Variants in ZSWIM6 observed in about 807,000 individuals in gnomAD.
ZSWIM6 encodes the protein zinc finger SWIM domain-containing protein 6.
Under a neutral mutation model 113.2 loss-of-function variants are expected in ZSWIM6, and 9 were observed. The observed-to-expected ratio is 0.08, with a 90% CI of 0.05 to 0.14. ZSWIM6 has a LOEUF of 0.14. Ranked by LOEUF, ZSWIM6 falls within the 10% of genes least tolerant of loss-of-function variation. The pLI is 1.00. For missense variants in ZSWIM6, 1,162 were observed against 1,552.2 expected, an observed-to-expected ratio of 0.75 and a Z score of 4.22; for synonymous variants, 611 against 606.5, an observed-to-expected ratio of 1.01 and a Z score of -0.11.
At chr5:61,496,338 G>A (rs1453389560) in intron 4 of ZSWIM6, among the ~76,000 whole-genome samples, 2 of 152,126 alleles carry the variant, frequency 1.3e-5, no homozygotes, top group East Asian at 3.9e-4. Context: ...TTTTAATGGG[G>A]TCTAAGTTCT....
intron 2 of ZSWIM6, among the ~76,000 whole-genome samples, chr5:61,490,111 C>A (rs1748139053): frequency 6.6e-6 from 1 of 151,882 alleles, no homozygotes; most frequent in Non-Finnish European, 1.5e-5. Flanking sequence ...CCCTAAATAT[C>A]TGGGTAGTTT....
intron 2 of ZSWIM6, among the ~76,000 whole-genome samples, chr5:61,474,174 T>A (rs1424260384): frequency 6.6e-6 from 1 of 152,232 alleles, no homozygotes; most frequent in Admixed American, 6.5e-5. Context: ...TGTGTTTTGT[T>A]GTTTTTGACA....
At chr5:61,373,858 G>A (rs1248514334) in intron 1 of ZSWIM6, among the ~76,000 whole-genome samples, 1 of 152,040 alleles carries the variant, frequency 6.6e-6, no homozygotes, top group Non-Finnish European at 1.5e-5. Context: ...ATAGGATGTA[G>A]TAGAAATGAA....
chr5:61,521,956 A>T (rs1338078748), intron 5 of ZSWIM6, among the ~76,000 whole-genome samples: 1 of 152,006 alleles, frequency 6.6e-6, no homozygotes, highest in East Asian at 1.9e-4. Context: ...TTACTGGGAA[A>T]TTTTTTTATT....
At chr5:61,499,336 T>A (rs1748400417) in intron 4 of ZSWIM6, among the ~76,000 whole-genome samples, 1 of 151,638 alleles carries the variant, frequency 6.6e-6, no homozygotes, top group Non-Finnish European at 1.5e-5. Context: ...GTTGTTAACC[T>A]TCTTTCCAGA....
chr5:61,542,973 C>T (rs1039630892), intron 13 of ZSWIM6, among the ~76,000 whole-genome samples: 8 of 152,188 alleles, frequency 5.3e-5, no homozygotes, highest in African/African-American at 1.9e-4. Context: ...AGGTCTGCTT[C>T]TATTGACTTT....
Position 61,494,337 on chromosome 5 carries a change from C to T in ZSWIM6, c.1260C>T (p.Asp420=). 1.9e-6 allele frequency: 3 copies of T among 1,551,158 alleles called. No homozygotes were observed. Among genetic ancestry groups the T allele is most frequent in the Non-Finnish European group, 2.6e-6 (3 of 1,146,624 alleles). The change falls in exon 4 of 14, where the codon GAC becomes GAT. Residue 420 remains aspartate (D), a synonymous_variant. Transcript: ENST00000252744. ...TGATAACAGAGCAATTCATGGCTGACCCTCGCCTGTCACTTTGGCGGCAAC... is the reference window on the plus strand; with the variant it reads ...TGATAACAGAGCAATTCATGGCTGATCCTCGCCTGTCACTTTGGCGGCAAC... ...LTLITEQFMA[D]PRLSLWRQQG...
intron 4 of ZSWIM6, among the ~76,000 whole-genome samples, chr5:61,516,947 G>T (rs1015756696): frequency 3.3e-5 from 5 of 152,020 alleles, no homozygotes; most frequent in Admixed American, 3.3e-4. Context: ...TGACATTTCA[G>T]TTTCTTTTAA....
intron 1 of ZSWIM6, among the ~76,000 whole-genome samples, chr5:61,435,224 T>C (rs1401449694): frequency 6.6e-6 from 1 of 152,254 alleles, no homozygotes; most frequent in African/African-American, 2.4e-5. Context: ...TAATGGAATT[T>C]ATTTTAAGTA....
intron 1 of ZSWIM6, among the ~76,000 whole-genome samples, chr5:61,351,687 T>G (rs1449370748): frequency 6.6e-6 from 1 of 152,206 alleles, no homozygotes; most frequent in Non-Finnish European, 1.5e-5. Context: ...AGACTACCTA[T>G]TCCACATTCT....
intron 1 of ZSWIM6, among the ~76,000 whole-genome samples, chr5:61,392,144 C>CT (rs951187586): frequency 2.4e-4 from 37 of 152,288 alleles, no homozygotes; most frequent in Middle Eastern, 3.4e-3. Flanking sequence ...TATAGATACT[C>CT]TAACTTTCAA....
chr5:61,544,126 A>G lies in ZSWIM6; in HGVS notation c.3457A>G (p.Thr1153Ala). ...CACGATCGGGGCCTACATCAACACA[A>G]CGCACTCACGGCTCACACACATCAG... ...DATIGAYINTTHSRLTHISPR... is the reference protein window; with the variant it reads ...DATIGAYINTAHSRLTHISPR... Residue 1153 changes from threonine to alanine, a missense_variant, in exon 14 of 14, where the codon ACG (threonine) becomes GCG (alanine). Coordinates refer to ENST00000252744, the MANE Select transcript of ZSWIM6 (RefSeq NM_020928.2). 1.3e-6 allele frequency: 2 copies of G among 1,551,690 alleles called. No homozygotes were observed. Among genetic ancestry groups the G allele is most frequent in the Non-Finnish European group, 8.7e-7 (1 of 1,146,974 alleles).
At chr5:61,413,457 A>G (rs1746186151) in intron 1 of ZSWIM6, among the ~76,000 whole-genome samples, 2 of 151,838 alleles carry the variant, frequency 1.3e-5, no homozygotes, top group Admixed American at 6.6e-5. Context: ...AGTCTTTGCT[A>G]TTGTGAATAG....
At chr5:61,410,686 C>G (rs149003232) in intron 1 of ZSWIM6, among the ~76,000 whole-genome samples, 17 of 152,258 alleles carry the variant, frequency 1.1e-4, no homozygotes, top group African/African-American at 3.6e-4. Context: ...GTTGATAGTA[C>G]ACTTCATGCA....
At chr5:61,463,526 T>G (rs1354171206) in intron 1 of ZSWIM6, among the ~76,000 whole-genome samples, 3 of 152,188 alleles carry the variant, frequency 2.0e-5, no homozygotes, top group Non-Finnish European at 4.4e-5. Flanking sequence ...GCAATCTTTG[T>G]TATCATATGC....
intron 1 of ZSWIM6, among the ~76,000 whole-genome samples, chr5:61,383,516 T>A (rs760933468): frequency 6.6e-6 from 1 of 152,172 alleles, no homozygotes; most frequent in African/African-American, 2.4e-5. Flanking sequence ...TCTAATCTGG[T>A]ACCTACTGAT....
At chr5:61,422,531 T>A (rs922479493) in intron 1 of ZSWIM6, among the ~76,000 whole-genome samples, 1 of 152,212 alleles carries the variant, frequency 6.6e-6, no homozygotes, top group Non-Finnish European at 1.5e-5. Flanking sequence ...TTTGCTTAGA[T>A]AGCTTTGACT....
rs543193619 is a variant in ZSWIM6 at position 61,427,571 on chromosome 5, T to C, written c.677-45110T>C. Among the ~76,000 whole-genome samples the C allele has an allele frequency of 4.6e-5, 7 of 152,282 alleles. No individual in the cohort carries two copies. The South Asian group carries it at 1.5e-3, about 32-fold the overall frequency. The stretch of plus-strand genomic sequence containing the variant: ...GTAACTTATTGCAACCTTGAACTTA[T>C]GAGATCCACAGATCCTCCTACCTCA... On this transcript the variant is annotated intron_variant, in intron 1 of 13. Coordinates refer to ENST00000252744, the MANE Select transcript of ZSWIM6 (RefSeq NM_020928.2).
At chr5:61,355,190 G>C in intron 1 of ZSWIM6, among the ~76,000 whole-genome samples, 1 of 152,102 alleles carries the variant, frequency 6.6e-6, no homozygotes, top group Non-Finnish European at 1.5e-5. Flanking sequence ...ACGTCAGCTT[G>C]GGTATTTAGC....
Sources: allele counts gnomAD v4.1 joint callset (sites outside exome capture counted in the v4.1 genomes callset), GRCh38; gene constraint gnomAD v4.1.1; transcripts MANE v1.5; gene names NCBI Gene and HGNC (gene_info 2026-07-23, HGNC 2026-07-21).